The following VIPR2 variants were observed in gnomAD, a reference collection of about 807,000 sequenced individuals.
VIPR2 encodes vasoactive intestinal peptide receptor 2, also known as vasoactive intestinal polypeptide receptor 2.
A neutral mutation model predicts 58.0 loss-of-function variants in VIPR2; 48 were observed. The observed-to-expected ratio is 0.83, with a 90% CI of 0.66 to 1.05. The LOEUF (loss-of-function observed/expected upper bound fraction) is 1.05. VIPR2 is among the 50% of genes least tolerant of loss of function. The probability of loss-of-function intolerance (pLI) is 0.00; values close to 1 mark genes in which losing one functional copy is unlikely to be tolerated. For synonymous variants in VIPR2, 243 were observed against 235.2 expected (o/e 1.03, Z -0.30); for missense variants, 534 against 558.0 (o/e 0.96, Z 0.43).
At chr7:159,058,124 C>T (rs576402189) in intron 5 of VIPR2, among the ~76,000 whole-genome samples, 6 of 152,322 alleles carry the variant, frequency 3.9e-5, no homozygotes, top group Admixed American at 2.6e-4. Context: ...CTCTTAAACA[C>T]GTCGTAGCAT....
rs1379222126 is a variant in VIPR2, at chr7:159,039,538, G to A, written c.598-2636C>T. Among the ~76,000 whole-genome samples the A allele has an allele frequency of 5.9e-5, 9 of 152,268 alleles. No homozygotes were observed. The East Asian group carries it at 1.7e-3, about 29-fold the overall frequency. On this transcript the variant is annotated intron_variant, in intron 6 of 12. Transcript: ENST00000262178. ...GCATGCCCTTTGCAATGGGCTGGAGGCTTCTTTATGCTGCCAGAATTCACA... is the reference window on the plus strand; with the variant it reads ...GCATGCCCTTTGCAATGGGCTGGAGACTTCTTTATGCTGCCAGAATTCACA...
intron 5 of VIPR2, among the ~76,000 whole-genome samples, chr7:159,045,122 T>C (rs1181868542): frequency 1.3e-5 from 2 of 152,082 alleles, no homozygotes; most frequent in African/African-American, 4.8e-5. Context: ...AGAGGTCAAA[T>C]GAAATTATCC....
chr7:159,064,199 C>T, intron 4 of VIPR2, among the ~76,000 whole-genome samples: 1 of 152,046 alleles, frequency 6.6e-6, no homozygotes, highest in South Asian at 2.1e-4. Flanking sequence ...AGAGGGGCGG[C>T]CCCACGCGCC....
intron 2 of VIPR2, among the ~76,000 whole-genome samples, chr7:159,123,384 C>T (rs1186835080): frequency 2.0e-5 from 3 of 150,288 alleles, no homozygotes; most frequent in African/African-American, 7.3e-5. Context: ...TTAGCTCCCA[C>T]TTACAAGTGA....
At chr7:159,116,272 C>A (rs142761068) in intron 2 of VIPR2, among the ~76,000 whole-genome samples, 1 of 152,160 alleles carries the variant, frequency 6.6e-6, no homozygotes, top group Non-Finnish European at 1.5e-5. Flanking sequence ...ATTTTGAAGC[C>A]AAGTTTCAGG....
intron 2 of VIPR2, among the ~76,000 whole-genome samples, chr7:159,141,058 GC>G (rs2129498318): frequency 6.6e-6 from 1 of 152,266 alleles, no homozygotes; most frequent in South Asian, 2.1e-4. Context: ...GGTGAGGAGG[GC>G]AACCCTAAAA....
At chr7:159,073,994 A>G (rs998511017) in intron 4 of VIPR2, among the ~76,000 whole-genome samples, 1 of 152,218 alleles carries the variant, frequency 6.6e-6, no homozygotes, top group Non-Finnish European at 1.5e-5. Flanking sequence ...TAACATTAGC[A>G]ATGTCCACTC....
chr7:159,109,548 G>A (rs73527857), intron 3 of VIPR2, among the ~76,000 whole-genome samples: 7,701 of 152,186 alleles, frequency 0.051, 644 homozygotes, highest in African/African-American at 0.18. Context: ...CACGTTTCCC[G>A]TGCTTTGGTT....
intron 2 of VIPR2, among the ~76,000 whole-genome samples, chr7:159,139,094 C>A (rs1028542508): frequency 1.3e-5 from 2 of 152,146 alleles, no homozygotes; most frequent in Non-Finnish European, 2.9e-5. Flanking sequence ...TCAGCAGCCA[C>A]CAGTCCTTGC....
At position 159,034,578 on chromosome 7, in the gene VIPR2, T is replaced by TA. The variant is rs770041606; in HGVS notation, c.879+2dup. 3.7e-6 allele frequency: 6 copies of TA among 1,613,112 alleles called. No homozygotes were observed. In the Admixed American group the frequency reaches 8.3e-5, roughly 22 times the overall value. Reference sequence around the variant, plus strand: ...AATCCACATGTCAACAGGGACTACTTACGATGATGGAAATTAAAATCGGTA... The same window carrying TA: ...AATCCACATGTCAACAGGGACTACTTAACGATGATGGAAATTAAAATCGGTA... On this transcript the variant is annotated splice_region_variant and intron_variant, in intron 9 of 12. Transcript: ENST00000262178.
chr7:159,068,413 G>C (rs1856206270), intron 4 of VIPR2, among the ~76,000 whole-genome samples: 1 of 152,216 alleles, frequency 6.6e-6, no homozygotes, highest in Non-Finnish European at 1.5e-5. Context: ...CTTTCCCCTA[G>C]AACACCATCA....
In VIPR2 at chr7:159,098,240, CG is replaced by C. The variant is rs1385580974; in HGVS notation, c.357+5516del. On this transcript the variant is annotated intron_variant, in intron 4 of 12. Coordinates refer to ENST00000262178, the MANE Select transcript of VIPR2 (RefSeq NM_003382.5). The surrounding 1 kb of genome is among the most constrained non-coding windows in gnomAD (Gnocchi z 5.2). ...GGTGGTCGGGCCCCAGCACACGGCT[CG>C]GGGAGCCTCCCACACTTGGTGATCC... Among the ~76,000 whole-genome samples, 1 of 152,174 alleles carries C rather than the reference CG, an allele frequency of 6.6e-6. No individual in the cohort carries two copies. The highest frequency in any genetic ancestry group is 2.4e-5 in the African/African-American group (1 of 41,442).
chr7:159,084,502 CCT>C (rs913412942), intron 4 of VIPR2, among the ~76,000 whole-genome samples: 52 of 152,144 alleles, frequency 3.4e-4, no homozygotes, highest in Non-Finnish European at 1.2e-4. Flanking sequence ...CAATGTGTCC[CCT>C]GTTCCCTCTG....
chr7:159,096,573 G>C lies in VIPR2; in HGVS notation c.357+7184C>G, dbSNP rs909644550. Among the ~76,000 whole-genome samples, 2 of 152,174 alleles carry C rather than the reference G, an allele frequency of 1.3e-5. No homozygotes were observed. The highest frequency in any genetic ancestry group is 4.8e-5 in the African/African-American group (2 of 41,438). ...CCAATCGCCATCCCCAGGCACCAGCGTATCTGTGCATTTCCTTCTTAACCT... is the reference window on the plus strand; with the variant it reads ...CCAATCGCCATCCCCAGGCACCAGCCTATCTGTGCATTTCCTTCTTAACCT... On this transcript the variant is annotated intron_variant, in intron 4 of 12. Coordinates refer to ENST00000262178, the MANE Select transcript of VIPR2 (RefSeq NM_003382.5). The surrounding 1 kb of genome is among the most constrained non-coding windows in gnomAD (Gnocchi z 5.5).
rs547135623 is a variant in VIPR2, at chr7:159,031,209, C to G, written c.1144-420G>C. 1.3e-5 allele frequency among the ~76,000 whole-genome samples: 2 copies of G among 152,020 alleles called. No individual in the cohort carries two copies. Among genetic ancestry groups the G allele is most frequent in the African/African-American group, 4.8e-5 (2 of 41,356 alleles). On this transcript the variant is annotated intron_variant, in intron 12 of 12. Coordinates refer to ENST00000262178, the MANE Select transcript of VIPR2 (RefSeq NM_003382.5). The surrounding 1 kb of genome is among the most constrained non-coding windows in gnomAD (Gnocchi z 4.0). ...TGGGGATGAGTGAGGGGTGCCCGGA[C>G]GGCAGAGGAGGGAGGAGGACAAGTG...
Position 159,029,069 on chromosome 7 carries a change from GCAAAC to G in VIPR2, c.*1542_*1546del, listed in dbSNP as rs1443049310. ...TCATTTTACCGGGGATATGGGTTTT[GCAAAC>G]CAAGGTGACACTGACAGGATGTGTG... On this transcript the variant is annotated 3_prime_UTR_variant, in exon 13 of 13. Coordinates refer to ENST00000262178, the MANE Select transcript of VIPR2 (RefSeq NM_003382.5). 6.6e-6 allele frequency: 1 copy of G among 152,302 alleles called. No individual in the cohort carries two copies. The highest frequency in any genetic ancestry group is 1.9e-4 in the East Asian group (1 of 5,200). The allele number at this position is 152,302 out of a possible 1,614,324, so 9.4% of individuals were successfully genotyped here. A position where few individuals can be genotyped will look rare whatever the true frequency, so the allele number is the denominator to read the frequency against.
chr7:159,031,855 G>A lies in VIPR2; in HGVS notation c.1116C>T (p.Ala372=), dbSNP rs200625463. The part of the protein sequence containing the change: ...CLGSFQGLVV[A]VLYCFLNSEV... ...CACTGTTCAGGAAACAGTAGAGGAC[G>A]GCCACCACCAGGCCCTGCAATGAGA... The change falls in exon 12 of 13, where the codon GCC becomes GCT. Residue 372 remains alanine, a synonymous_variant. Coordinates refer to ENST00000262178, the MANE Select transcript of VIPR2 (RefSeq NM_003382.5). The surrounding 1 kb of genome is among the most constrained non-coding windows in gnomAD (Gnocchi z 4.0). The A allele has an allele frequency of 8.7e-6, 14 of 1,613,918 alleles. No homozygotes were observed. Among genetic ancestry groups the A allele is most frequent in the Admixed American group, 5.0e-5 (3 of 60,010 alleles).
At chr7:159,083,505 G>A (rs188366497) in intron 4 of VIPR2, among the ~76,000 whole-genome samples, 45 of 152,296 alleles carry the variant, frequency 3.0e-4, no homozygotes, top group African/African-American at 1.1e-3. Context: ...TATCTGCCCT[G>A]GAGTGACCAT....
intron 5 of VIPR2, among the ~76,000 whole-genome samples, chr7:159,055,968 A>G (rs929680802): frequency 2.0e-5 from 3 of 152,208 alleles, no homozygotes; most frequent in Non-Finnish European, 4.4e-5. Flanking sequence ...AGGATTTTGG[A>G]GGCCACGTCC....
Sources: allele counts gnomAD v4.1 joint callset (sites outside exome capture counted in the v4.1 genomes callset), GRCh38; gene constraint gnomAD v4.1.1; non-coding constraint Gnocchi (gnomAD v3.1); transcripts MANE v1.5; gene names NCBI Gene and HGNC (gene_info 2026-07-23, HGNC 2026-07-21).